PREPL: variants seen among roughly 807,000 people sequenced by gnomAD.
PREPL encodes prolyl endopeptidase-like.
In PREPL, 77 loss-of-function variants were observed where a neutral mutation model predicts 70.6. That is an observed-to-expected ratio of 1.09 (90% CI 0.91 to 1.32). The LOEUF (loss-of-function observed/expected upper bound fraction) is 1.32. Among genes scored for constraint, PREPL ranks in the 40% most tolerant of loss-of-function variants. The pLI, the probability that PREPL is intolerant of heterozygous loss-of-function variation, is 0.00. For synonymous variants in PREPL, 315 were observed against 264.8 expected, an observed-to-expected ratio of 1.19 and a Z score of -1.84; for missense variants, 1,002 against 778.2, an observed-to-expected ratio of 1.29 and a Z score of -3.42.
chr2:44,347,520 T>C (rs180980632), intron 1 of PREPL, among the ~76,000 whole-genome samples: 1 of 152,360 alleles, frequency 6.6e-6, no homozygotes, highest in East Asian at 1.9e-4. Flanking sequence ...GAGTGACTAA[T>C]AAGCTGACAG....
At chr2:44,337,241 A>G (rs367641671) in intron 7 of PREPL, among the ~76,000 whole-genome samples, 1 of 152,088 alleles carries the variant, frequency 6.6e-6, no homozygotes, top group East Asian at 1.9e-4. Context: ...TCAAAATCCT[A>G]TCTCTCTTCT....
chr2:44,350,490 C>G (rs943564573), intron 1 of PREPL, among the ~76,000 whole-genome samples: 1 of 151,494 alleles, frequency 6.6e-6, no homozygotes, highest in Non-Finnish European at 1.5e-5. Flanking sequence ...AATCTGTAAT[C>G]AAAATACCTG....
At chr2:44,324,118 G>C (rs1673254239) in intron 10 of PREPL, among the ~76,000 whole-genome samples, 1 of 152,204 alleles carries the variant, frequency 6.6e-6, no homozygotes, top group Non-Finnish European at 1.5e-5. Flanking sequence ...ATAAAATTCT[G>C]ATCCACGCTA....
chr2:44,348,075 A>G (rs560734353), intron 1 of PREPL, among the ~76,000 whole-genome samples: 1 of 152,230 alleles, frequency 6.6e-6, no homozygotes, highest in Non-Finnish European at 1.5e-5. Context: ...TTTTTTTAAG[A>G]GACAGGGTCT....
At chr2:44,357,455 C>T (rs1431136608) in intron 1 of PREPL, among the ~76,000 whole-genome samples, 3 of 152,126 alleles carry the variant, frequency 2.0e-5, no homozygotes, top group Non-Finnish European at 2.9e-5. Flanking sequence ...ATGGCTTTTA[C>T]ATTACATCAT....
intron 2 of PREPL, 98 bp downstream of exon 2, chr2:44,346,170 A>G (rs1675795331): frequency 8.5e-7 from 1 of 1,179,520 alleles, no homozygotes; most frequent in Non-Finnish European, 1.2e-6. Context: ...AAGCAGTATA[A>G]TCTTGATGTG....
intron 10 of PREPL, among the ~76,000 whole-genome samples, chr2:44,323,724 C>T (rs1020263906): frequency 1.3e-5 from 2 of 152,084 alleles, no homozygotes; most frequent in Non-Finnish European, 2.9e-5. Context: ...ATGCTACTGT[C>T]TCATACCAAT....
chr2:44,349,960 C>A (rs1291717022), intron 1 of PREPL, among the ~76,000 whole-genome samples: 2 of 152,064 alleles, frequency 1.3e-5, no homozygotes, highest in African/African-American at 2.4e-5. Flanking sequence ...AACTAAATGT[C>A]CCCTTCTTGA....
At chr2:44,349,056 T>C (rs1163022181) in intron 1 of PREPL, among the ~76,000 whole-genome samples, 1 of 152,080 alleles carries the variant, frequency 6.6e-6, no homozygotes, top group Non-Finnish European at 1.5e-5. Context: ...ACTCCATTAG[T>C]GGTAAAAAGA....
Position 44,338,523 on chromosome 2 carries a change from G to A in PREPL, c.716C>T (p.Ala239Val), listed in dbSNP as rs778761279. 38 of 1,607,600 alleles carry A rather than the reference G, an allele frequency of 2.4e-5. No homozygotes were observed. The highest frequency in any genetic ancestry group is 2.9e-5 in the Non-Finnish European group (34 of 1,178,520). ...ATTCATAATTGCAGGGGTATCAGCC[G>A]CTGTTCTCATTAGCTACGTGGAACA... ...EPTEFKLMRT[A>V]ADTPAIMNWD... The change falls in exon 7 of 14, where the codon GCG becomes GTG. Residue 239 changes from alanine (A) to valine (V), a missense_variant. Transcript: ENST00000409411.
At chr2:44,329,229 G>A (rs1355603100) in intron 8 of PREPL, 117 bp from the exon 9 acceptor site, 1 of 785,278 alleles carries the variant, frequency 1.3e-6, no homozygotes, top group African/African-American at 1.8e-5. Flanking sequence ...TACTGATGTT[G>A]AGCACAAATT....
rs748433525 is a variant in PREPL, at chr2:44,320,630, C to G, written c.*726G>C. On this transcript the variant is annotated 3_prime_UTR_variant, in exon 14 of 14. Coordinates refer to ENST00000409411, the MANE Select transcript of PREPL (RefSeq NM_001171613.2). Reference sequence around the variant, plus strand: ...CCAGTGTACTGAACATACTGTATACCTCGTGTTAGGCACCTTTATGAAGAG... The same window carrying G: ...CCAGTGTACTGAACATACTGTATACGTCGTGTTAGGCACCTTTATGAAGAG... 1.9e-6 allele frequency: 3 copies of G among 1,613,116 alleles called. No homozygotes were observed. Among genetic ancestry groups the G allele is most frequent in the Non-Finnish European group, 1.7e-6 (2 of 1,179,358 alleles).
Position 44,320,714 on chromosome 2 carries a change from ATGC to A in PREPL, c.*639_*641del. 1 of 1,123,630 alleles carries A rather than the reference ATGC, an allele frequency of 8.9e-7. No homozygotes were observed. The highest frequency in any genetic ancestry group is 1.3e-5 in the South Asian group (1 of 79,836). 69.6% of individuals were successfully genotyped at this position (1,123,630 alleles called of 1,614,324 possible). ...CATTTGTAATAGCTTCATGTACAGC[ATGC>A]TGCTTGGTGAACAATCATTAATTCT... On this transcript the variant is annotated 3_prime_UTR_variant, in exon 14 of 14. Transcript: ENST00000409411.
intron 5 of PREPL, among the ~76,000 whole-genome samples, chr2:44,341,707 A>T (rs1297977472): frequency 6.6e-6 from 1 of 151,912 alleles, no homozygotes; most frequent in African/African-American, 2.4e-5. Flanking sequence ...TATTATAAAA[A>T]TAATAATGCT....
chr2:44,347,474 A>C (rs1185399027), intron 1 of PREPL, among the ~76,000 whole-genome samples: 1 of 152,272 alleles, frequency 6.6e-6, no homozygotes, highest in Non-Finnish European at 1.5e-5. Flanking sequence ...GGAGATATAG[A>C]TGAAAGCTAA....
At chr2:44,352,930 T>C (rs698770) in intron 1 of PREPL, among the ~76,000 whole-genome samples, 125,148 of 152,120 alleles carry the variant, frequency 0.82, 52,418 homozygotes, top group African/African-American at 0.9. Context: ...GAAGAAAAAC[T>C]ATAGGATCAA....
At position 44,344,587 on chromosome 2, in the gene PREPL, C is replaced by G. The variant is rs371845821; in HGVS notation, c.76-1G>C. Reference sequence around the variant, plus strand: ...AATAAACAAAACCACCATGTTTAACCTGACAAAAGAAACATGCAGTTTACT... The same window carrying G: ...AATAAACAAAACCACCATGTTTAACGTGACAAAAGAAACATGCAGTTTACT... On this transcript the variant is annotated splice_acceptor_variant, in intron 2 of 13. Transcript: ENST00000409411. LOFTEE classifies it high-confidence loss of function. 3.1e-6 allele frequency: 5 copies of G among 1,594,758 alleles called. No homozygotes were observed. Among genetic ancestry groups the G allele is most frequent in the African/African-American group, 1.3e-5 (1 of 74,254 alleles).
At chr2:44,334,636 C>G (rs1378743835) in intron 7 of PREPL, among the ~76,000 whole-genome samples, 1 of 152,150 alleles carries the variant, frequency 6.6e-6, no homozygotes, top group African/African-American at 2.4e-5. Context: ...GCCTCCAGCT[C>G]TCGGCTTCAA....
Position 44,317,740 on chromosome 2 carries a change from T to A in PREPL, c.*3616A>T, listed in dbSNP as rs1427668299. The A allele has an allele frequency of 1.3e-5, 2 of 152,268 alleles. No individual in the cohort carries two copies. Among genetic ancestry groups the A allele is most frequent in the Non-Finnish European group, 2.9e-5 (2 of 68,180 alleles). The allele number at this position is 152,268 out of a possible 1,614,324, so 9.4% of individuals were successfully genotyped here. On this transcript the variant is annotated 3_prime_UTR_variant, in exon 14 of 14. Coordinates refer to ENST00000409411, the MANE Select transcript of PREPL (RefSeq NM_001171613.2). ...AAAGAATACTAGAAGAAAAAAATTA[T>A]ACAGTCAATCCAACAAAAAGCTTAA... is the stretch of plus-strand genomic sequence containing the variant.
Sources: gnomAD v4.1 joint callset for allele counts (sites outside exome capture counted in the v4.1 genomes callset) on GRCh38, gnomAD v4.1.1 for gene constraint, MANE v1.5 for transcripts, NCBI Gene and HGNC (gene_info 2026-07-23, HGNC 2026-07-21) for gene names.